The following GRIK4 variants were observed in gnomAD, a reference collection of about 807,000 sequenced individuals.
The protein encoded by GRIK4 is glutamate ionotropic receptor kainate type subunit 4, also known as glutamate receptor ionotropic, kainate 4.
A neutral mutation model predicts 104.9 loss-of-function variants in GRIK4; 40 were observed. The observed-to-expected ratio is 0.38, with a 90% confidence interval of 0.30 to 0.50. The LOEUF (loss-of-function observed/expected upper bound fraction) is 0.50. GRIK4 is among the 20% of genes least tolerant of loss of function. GRIK4 has a pLI of 0.93. For synonymous variants in GRIK4, 485 were observed against 524.9 expected (o/e 0.92, Z 1.04); for missense variants, 1,047 against 1,308.1 (o/e 0.80, Z 3.08).
chr11:120,623,494 G>C (rs1949215739), intron 1 of GRIK4, among the ~76,000 whole-genome samples: 1 of 152,132 alleles, frequency 6.6e-6, no homozygotes, highest in Non-Finnish European at 1.5e-5. Context: ...TCTGACACAA[G>C]ATGTCACAGG....
chr11:120,853,163 G>T (rs4598681), intron 8 of GRIK4, among the ~76,000 whole-genome samples: 23,245 of 152,134 alleles, frequency 0.15, 2,380 homozygotes, highest in Admixed American at 0.31. Context: ...AAGGGGGCAT[G>T]ATTGAGTGGC....
intron 13 of GRIK4, among the ~76,000 whole-genome samples, chr11:120,909,100 A>G (rs1273599222): frequency 6.6e-6 from 1 of 152,256 alleles, no homozygotes; most frequent in Non-Finnish European, 1.5e-5. Flanking sequence ...GGGCCGGGCC[A>G]GGCCAGCAGG....
intron 3 of GRIK4, among the ~76,000 whole-genome samples, chr11:120,687,550 C>G (rs994736210): frequency 6.6e-6 from 1 of 151,910 alleles, no homozygotes; most frequent in African/African-American, 2.4e-5. Flanking sequence ...TGTTTTTTCC[C>G]TCTTAGATTT....
chr11:120,814,762 C>T (rs2135532601), intron 4 of GRIK4, among the ~76,000 whole-genome samples: 1 of 152,328 alleles, frequency 6.6e-6, no homozygotes, highest in East Asian at 1.9e-4. Flanking sequence ...AGGGAACATG[C>T]CAGGCTTCAG....
intron 14 of GRIK4, among the ~76,000 whole-genome samples, chr11:120,948,899 T>C (rs867265428): frequency 3.9e-5 from 6 of 152,158 alleles, no homozygotes; most frequent in Admixed American, 6.5e-5. Context: ...TTCCATGTTA[T>C]ACAGGAGGAA....
intron 7 of GRIK4, among the ~76,000 whole-genome samples, chr11:120,834,707 T>G (rs1389772400): frequency 6.6e-6 from 1 of 152,190 alleles, no homozygotes; most frequent in East Asian, 1.9e-4. Context: ...TGCCATCTCT[T>G]GATTTCAGGA....
At chr11:120,666,001 T>TGA (rs1949907760) in intron 3 of GRIK4, among the ~76,000 whole-genome samples, 1 of 152,178 alleles carries the variant, frequency 6.6e-6, no homozygotes, top group African/African-American at 2.4e-5. Flanking sequence ...TCTCTTCTAC[T>TGA]GAGAGGTTAG....
chr11:120,536,917 A>T (rs1947983463), intron 1 of GRIK4, among the ~76,000 whole-genome samples: 1 of 152,184 alleles, frequency 6.6e-6, no homozygotes, highest in African/African-American at 2.4e-5. Flanking sequence ...CCCGGCCCAG[A>T]CGCCTGCTGA....
chr11:120,698,222 G>A (rs1950488896), intron 3 of GRIK4, among the ~76,000 whole-genome samples: 1 of 152,140 alleles, frequency 6.6e-6, no homozygotes, highest in Non-Finnish European at 1.5e-5. Flanking sequence ...TAATATAAAG[G>A]ATGAATAAAA....
chr11:120,944,780 G>A (rs1306144991), intron 14 of GRIK4, among the ~76,000 whole-genome samples: 8 of 152,102 alleles, frequency 5.3e-5, no homozygotes. Context: ...AGACTGTCTG[G>A]GTTTATTCCC....
rs558860878 is a variant in GRIK4 at position 120,572,674 on chromosome 11, A to C, written c.-159+60787A>C. ...GGAGCAAAATGGCAATTCATGCCAG[A>C]AGTCATGCATAAATAAAATCCACTG... On this transcript the variant is annotated intron_variant, in intron 1 of 20. Transcript: ENST00000527524. 1.7e-3 allele frequency among the ~76,000 whole-genome samples: 257 copies of C among 152,334 alleles called. 2 individuals are homozygous for C. The highest frequency in any genetic ancestry group is 2.4e-3 in the Non-Finnish European group (164 of 68,026).
intron 1 of GRIK4, among the ~76,000 whole-genome samples, chr11:120,597,279 G>T (rs1407287428): frequency 2.0e-5 from 3 of 152,214 alleles, no homozygotes; most frequent in East Asian, 3.9e-4. Context: ...GGGTGACGGG[G>T]CAAGTGCCTT....
At chr11:120,525,090 G>A (rs1641197603) in intron 1 of GRIK4, among the ~76,000 whole-genome samples, 1 of 152,192 alleles carries the variant, frequency 6.6e-6, no homozygotes, top group African/African-American at 2.4e-5. Context: ...GTCCAAAGAA[G>A]TCTGAGGCCA....
chr11:120,872,290 G>T, intron 9 of GRIK4: 1 of 237,350 alleles, frequency 4.2e-6, no homozygotes, highest in South Asian at 6.4e-5. Context: ...GCTGGGATCT[G>T]GACTCTGGAC....
chr11:120,557,744 C>T (rs187085861), intron 1 of GRIK4, among the ~76,000 whole-genome samples: 7 of 152,256 alleles, frequency 4.6e-5, no homozygotes, highest in African/African-American at 1.7e-4. Context: ...GGGCCGGGCG[C>T]GGTGGCTCAC....
intron 6 of GRIK4, among the ~76,000 whole-genome samples, chr11:120,829,814 C>T (rs1045965491): frequency 1.3e-5 from 2 of 152,192 alleles, no homozygotes; most frequent in African/African-American, 4.8e-5. Context: ...AGCTTGAATC[C>T]AGAGCTTTGG....
intron 8 of GRIK4, among the ~76,000 whole-genome samples, chr11:120,841,538 C>A (rs572614695): frequency 6.6e-6 from 1 of 152,158 alleles, no homozygotes; most frequent in South Asian, 2.1e-4. Flanking sequence ...TGGGTCGCCT[C>A]CACCTTTTGG....
Position 120,861,093 on chromosome 11 carries a change from C to CTTTT in GRIK4, c.745-837_745-834dup, listed in dbSNP as rs547199127. On this transcript the variant is annotated intron_variant, in intron 8 of 20. Coordinates refer to ENST00000527524, the MANE Select transcript of GRIK4 (RefSeq NM_014619.5). Reference sequence around the variant, plus strand: ...TTAGGTAGGGTTCAGAAATCATCCTCTTTTTTTTTTTTTTTTTTTTTTTTT... The same window carrying CTTTT: ...TTAGGTAGGGTTCAGAAATCATCCTCTTTTTTTTTTTTTTTTTTTTTTTTTTTTT... 5.3e-3 allele frequency among the ~76,000 whole-genome samples: 456 copies of CTTTT among 86,484 alleles called. 37 individuals carry two copies. The highest frequency in any genetic ancestry group is 7.9e-3 in the African/African-American group (177 of 22,460). The allele number at this position is 86,484 out of a possible 152,430, so 56.7% of individuals were successfully genotyped here. A position where few individuals can be genotyped will look rare whatever the true frequency, so the allele number is the denominator to read the frequency against.
At chr11:120,699,193 C>T (rs1179327665) in intron 3 of GRIK4, among the ~76,000 whole-genome samples, 1 of 152,160 alleles carries the variant, frequency 6.6e-6, no homozygotes, top group Non-Finnish European at 1.5e-5. Context: ...GCACACTGCC[C>T]ACCTACCTGC....
Sources: allele counts gnomAD v4.1 joint callset (sites outside exome capture counted in the v4.1 genomes callset), GRCh38; gene constraint gnomAD v4.1.1; transcripts MANE v1.5; gene names NCBI Gene and HGNC (gene_info 2026-07-23, HGNC 2026-07-21).